CCDC33: variants seen among roughly 807,000 people sequenced by gnomAD.
CCDC33 encodes coiled-coil domain-containing protein 33.
Under a neutral mutation model 91.9 loss-of-function variants are expected in CCDC33, and 94 were observed. The ratio of observed to expected loss-of-function variants is 1.02; its 90% confidence interval spans 0.87 to 1.21. The LOEUF is 1.21. Among genes scored for constraint, CCDC33 ranks in the 50% most tolerant of loss-of-function variants. The probability of loss-of-function intolerance (pLI) is 0.00; values close to 1 mark genes in which losing one functional copy is unlikely to be tolerated. For synonymous variants in CCDC33, 396 were observed against 374.5 expected (o/e 1.06, Z -0.66); for missense variants, 940 against 935.5 (o/e 1.00, Z -0.06).
intron 11 of CCDC33, among the ~76,000 whole-genome samples, chr15:74,329,050 TC>T (rs2060371374): frequency 6.6e-6 from 1 of 152,216 alleles, no homozygotes; most frequent in Non-Finnish European, 1.5e-5. Context: ...ACGATCCTTT[TC>T]TATTTTGTGC....
chr15:74,269,148 G>A (rs1207374589), intron 5 of CCDC33, among the ~76,000 whole-genome samples: 2 of 152,096 alleles, frequency 1.3e-5, no homozygotes, highest in Non-Finnish European at 2.9e-5. Flanking sequence ...ACATGATGCA[G>A]GGACCTGGCC....
At chr15:74,227,504 C>A (rs1460381290) in intron 2 of CCDC33, among the ~76,000 whole-genome samples, 1 of 152,164 alleles carries the variant, frequency 6.6e-6, no homozygotes, top group African/African-American at 2.4e-5. Context: ...CTGGCCCCAA[C>A]AATGAGTGCT....
chr15:74,226,863 A>G (rs928523736), intron 2 of CCDC33, among the ~76,000 whole-genome samples: 14 of 151,596 alleles, frequency 9.2e-5, no homozygotes, highest in African/African-American at 3.4e-4. Context: ...CAGTGTGAGC[A>G]AAGGCGTGGA....
chr15:74,209,287 G>T, intron 1 of CCDC33: 1 of 1,352,024 alleles, frequency 7.4e-7, no homozygotes, highest in Non-Finnish European at 1.0e-6. Flanking sequence ...CAGTGGAGAA[G>T]CCTGCACAGG....
At chr15:74,286,019 G>A (rs544194376) in intron 10 of CCDC33, among the ~76,000 whole-genome samples, 6 of 152,108 alleles carry the variant, frequency 3.9e-5, no homozygotes, top group African/African-American at 1.4e-4. Flanking sequence ...AGTCTGAGGC[G>A]GGCGGATCAT....
intron 11 of CCDC33, among the ~76,000 whole-genome samples, chr15:74,317,079 G>T (rs2060100566): frequency 1.3e-5 from 2 of 152,200 alleles, no homozygotes; most frequent in Non-Finnish European, 2.9e-5. Context: ...AGTGGAGTGG[G>T]CCAGGTGCAG....
intron 10 of CCDC33, among the ~76,000 whole-genome samples, chr15:74,284,100 G>C (rs2059426934): frequency 6.6e-6 from 1 of 152,208 alleles, no homozygotes; most frequent in Admixed American, 6.5e-5. Context: ...CAATTTAGGA[G>C]CCTAAGTATA....
chr15:74,295,987 G>A (rs757241047), intron 11 of CCDC33, 39 bp downstream of exon 11: 48 of 1,552,574 alleles, frequency 3.1e-5, no homozygotes, highest in Non-Finnish European at 3.9e-5. Context: ...CCGGGGCAGT[G>A]ATGAGGCCAT....
chr15:74,319,152 G>C (rs553605436), intron 11 of CCDC33, among the ~76,000 whole-genome samples: 1 of 152,286 alleles, frequency 6.6e-6, no homozygotes, highest in East Asian at 1.9e-4. Flanking sequence ...TAACCCTTCT[G>C]GTTTGGGCCC....
chr15:74,221,191 C>CCA, intron 2 of CCDC33: 1 of 976,732 alleles, frequency 1.0e-6, no homozygotes, highest in South Asian at 4.8e-5. Flanking sequence ...AAGTTGTTCT[C>CCA]CAGTTTGTGT....
At chr15:74,276,936 A>ATGTT (rs1430782619) in intron 7 of CCDC33, among the ~76,000 whole-genome samples, 1 of 151,768 alleles carries the variant, frequency 6.6e-6, no homozygotes, top group East Asian at 1.9e-4. Flanking sequence ...AGGACTCTAC[A>ATGTT]TGTTTGTGTG....
At chr15:74,329,323 AACAGAGGCTCAAGTCCCTGCAGG>A (rs2060377671) in intron 11 of CCDC33, among the ~76,000 whole-genome samples, 1 of 152,170 alleles carries the variant, frequency 6.6e-6, no homozygotes, top group African/African-American at 2.4e-5. Flanking sequence ...GGCTCTTCAG[AACAGAGGCTCAAGTCCCTGCAGG>A]CCTGGATTTC....
upstream of CCDC33, chr15:74,213,623 T>C (rs1045355622): frequency 6.6e-6 from 1 of 152,284 alleles, no homozygotes; most frequent in Admixed American, 6.5e-5. Flanking sequence ...CCCTGGCCGC[T>C]GCAAGCCCCT....
At chr15:74,311,005 G>A (rs529064557) in intron 11 of CCDC33, among the ~76,000 whole-genome samples, 57 of 152,286 alleles carry the variant, frequency 3.7e-4, no homozygotes, top group African/African-American at 1.4e-3. Context: ...CACAGGGCTG[G>A]GGAGGAGGCT....
chr15:74,296,967 G>A (rs2059700542), intron 11 of CCDC33, among the ~76,000 whole-genome samples: 2 of 152,192 alleles, frequency 1.3e-5, no homozygotes, highest in Non-Finnish European at 2.9e-5. Context: ...CCCAGACAAG[G>A]CCACCAGTCC....
intron 1 of CCDC33, chr15:74,209,377 A>G: frequency 6.5e-7 from 1 of 1,535,466 alleles, no homozygotes; most frequent in Non-Finnish European, 8.7e-7. Context: ...GTCCCCATCC[A>G]TCACTCCCAG....
intron 2 of CCDC33, among the ~76,000 whole-genome samples, chr15:74,211,393 C>CTTTTTT (rs34963230): frequency 7.4e-4 from 55 of 73,882 alleles, no homozygotes; most frequent in East Asian, 1.7e-3. Flanking sequence ...CTGCCCCTGG[C>CTTTTTT]TTTTTTTTTT....
intron 7 of CCDC33, among the ~76,000 whole-genome samples, chr15:74,277,070 C>T (rs1417677701): frequency 6.6e-6 from 1 of 152,246 alleles, no homozygotes; most frequent in Non-Finnish European, 1.5e-5. Context: ...AGAAGCCCCC[C>T]AGAGTCAACA....
intron 11 of CCDC33, among the ~76,000 whole-genome samples, chr15:74,318,911 T>C (rs190519966): frequency 1.3e-5 from 2 of 152,338 alleles, no homozygotes; most frequent in East Asian, 1.9e-4. Context: ...GAAGGGCTTC[T>C]GGGAAAATCC....
Sources: gnomAD v4.1 joint callset for allele counts (sites outside exome capture counted in the v4.1 genomes callset) on GRCh38, gnomAD v4.1.1 for gene constraint, MANE v1.5 for transcripts, NCBI Gene and HGNC (gene_info 2026-07-23, HGNC 2026-07-21) for gene names.